MAML2: variants seen among roughly 807,000 people sequenced by gnomAD.
MAML2 encodes mastermind-like protein 2.
A neutral mutation model predicts 96.1 loss-of-function variants in MAML2; 22 were observed. The ratio of observed to expected loss-of-function variants is 0.23; its 90% CI spans 0.16 to 0.33. The LOEUF (loss-of-function observed/expected upper bound fraction) is 0.33. Among genes scored for constraint, MAML2 ranks in the 10% least tolerant of loss-of-function variants. The probability of loss-of-function intolerance (pLI) is 1.00; values close to 1 mark genes in which losing one functional copy is unlikely to be tolerated. For synonymous variants in MAML2, 561 were observed against 521.3 expected (o/e 1.08, Z -1.04); for missense variants, 1,367 against 1,392.4 (o/e 0.98, Z 0.29).
At chr11:96,018,983 G>C (rs181446148) in intron 2 of MAML2, among the ~76,000 whole-genome samples, 5 of 152,300 alleles carry the variant, frequency 3.3e-5, no homozygotes, top group African/African-American at 9.6e-5. Context: ...ACAAAAACGT[G>C]ATTGAAATGA....
chr11:96,044,801 G>GA, intron 2 of MAML2, among the ~76,000 whole-genome samples: 1 of 152,304 alleles, frequency 6.6e-6, no homozygotes, highest in East Asian at 1.9e-4. Context: ...GAAAGTTGTT[G>GA]ACGAAAAACT....
chr11:96,059,053 G>T (rs1398920025), intron 2 of MAML2, among the ~76,000 whole-genome samples: 1 of 152,180 alleles, frequency 6.6e-6, no homozygotes, highest in African/African-American at 2.4e-5. Context: ...CTGCACTCCA[G>T]CCTAGGTAAG....
At chr11:96,112,829 T>C (rs1001345956) in intron 1 of MAML2, among the ~76,000 whole-genome samples, 1 of 152,244 alleles carries the variant, frequency 6.6e-6, no homozygotes, top group East Asian at 1.9e-4. Context: ...GGTGGCTTAA[T>C]TGAAAGTGTT....
chr11:96,214,724 T>C (rs1359176306), intron 1 of MAML2, among the ~76,000 whole-genome samples: 1 of 152,234 alleles, frequency 6.6e-6, no homozygotes, highest in Non-Finnish European at 1.5e-5. Context: ...AGTGATTGGC[T>C]ACTCACATTA....
intron 2 of MAML2, among the ~76,000 whole-genome samples, chr11:96,015,553 GA>G (rs1301207278): frequency 7.9e-5 from 8 of 101,610 alleles, no homozygotes; most frequent in Non-Finnish European, 1.4e-4. Context: ...ACCATAAAAT[GA>G]AAGTGCTAAG....
chr11:96,231,802 T>C (rs889428403), intron 1 of MAML2, among the ~76,000 whole-genome samples: 30 of 152,254 alleles, frequency 2.0e-4, no homozygotes, highest in African/African-American at 7.0e-4. Context: ...ACCTACCCAG[T>C]CTTGTGGGCA....
chr11:96,047,031 C>T (rs1185034893), intron 2 of MAML2, among the ~76,000 whole-genome samples: 1 of 152,170 alleles, frequency 6.6e-6, no homozygotes, highest in Non-Finnish European at 1.5e-5. Flanking sequence ...TAAGTTGAGG[C>T]TATCAATAAA....
At chr11:96,007,757 T>C (rs78706221) in intron 2 of MAML2, among the ~76,000 whole-genome samples, 5,192 of 151,868 alleles carry the variant, frequency 0.034, 285 homozygotes, top group African/African-American at 0.12. Context: ...AGTAACATTC[T>C]CAGTAAACTA....
intron 2 of MAML2, among the ~76,000 whole-genome samples, chr11:96,014,547 A>G (rs1858314156): frequency 6.6e-6 from 1 of 152,216 alleles, no homozygotes; most frequent in South Asian, 2.1e-4. Flanking sequence ...CTCAAACTAC[A>G]TTCTTACAAA....
intron 1 of MAML2, among the ~76,000 whole-genome samples, chr11:96,271,625 C>T (rs1220969982): frequency 1.3e-5 from 2 of 152,194 alleles, no homozygotes; most frequent in African/African-American, 2.4e-5. Flanking sequence ...CTTCTCCTTG[C>T]TGCCACCATG....
intron 1 of MAML2, among the ~76,000 whole-genome samples, chr11:96,194,742 T>C (rs1046723756): frequency 5.9e-5 from 9 of 152,176 alleles, no homozygotes; most frequent in Non-Finnish European, 1.2e-4. Context: ...CTGAGTCCAC[T>C]GGCTCCTTTC....
intron 1 of MAML2, among the ~76,000 whole-genome samples, chr11:96,162,309 C>G (rs1861122028): frequency 6.8e-6 from 1 of 146,252 alleles, no homozygotes; most frequent in Non-Finnish European, 1.5e-5. Context: ...CGACATGGTA[C>G]AAAACAAAGC....
chr11:96,066,138 T>C (rs1590990598), intron 2 of MAML2, among the ~76,000 whole-genome samples: 1 of 152,126 alleles, frequency 6.6e-6, no homozygotes, highest in African/African-American at 2.4e-5. Flanking sequence ...TTCCACAGGG[T>C]GTAGGAAGAG....
intron 1 of MAML2, among the ~76,000 whole-genome samples, chr11:96,221,950 C>G (rs908685039): frequency 6.6e-6 from 1 of 152,130 alleles, no homozygotes; most frequent in African/African-American, 2.4e-5. Context: ...AATACATCAT[C>G]CCCTGTGTTT....
intron 1 of MAML2, among the ~76,000 whole-genome samples, chr11:96,146,432 G>C (rs2135871810): frequency 6.6e-6 from 1 of 152,296 alleles, no homozygotes; most frequent in South Asian, 2.1e-4. Flanking sequence ...GTGAATCGGG[G>C]AGGCAGGACA....
At chr11:96,056,193 G>A (rs1438770191) in intron 2 of MAML2, among the ~76,000 whole-genome samples, 2 of 152,124 alleles carry the variant, frequency 1.3e-5, no homozygotes, top group Non-Finnish European at 2.9e-5. Flanking sequence ...GGGCATCCCT[G>A]CCCCCACAGG....
chr11:96,128,319 G>A (rs2135853219), intron 1 of MAML2, among the ~76,000 whole-genome samples: 1 of 152,206 alleles, frequency 6.6e-6, no homozygotes, highest in South Asian at 2.1e-4. Context: ...GCTTGAACCT[G>A]GAAGGCGGAG....
At chr11:96,257,725 C>G (rs1862688342) in intron 1 of MAML2, among the ~76,000 whole-genome samples, 1 of 151,998 alleles carries the variant, frequency 6.6e-6, no homozygotes, top group Admixed American at 6.5e-5. Context: ...TATAATATTT[C>G]TTTGCTCACC....
rs148721903 is a variant in MAML2 at position 96,307,650 on chromosome 11, T to C, written c.513+33733A>G. Among the ~76,000 whole-genome samples, 11 of 152,258 alleles carry C rather than the reference T, an allele frequency of 7.2e-5. No individual in the cohort carries two copies. In the East Asian group the frequency reaches 1.7e-3, roughly 24 times the overall value. ...TCCAAGGGAATGATCATTCTGCTCA[T>C]ATGGGAAGGCTGCCTAGCAGTAAGA... is the stretch of plus-strand genomic sequence containing the variant. On this transcript the variant is annotated intron_variant, in intron 1 of 4. Transcript: ENST00000524717.
Sources: gnomAD v4.1 joint callset for allele counts (sites outside exome capture counted in the v4.1 genomes callset) on GRCh38, gnomAD v4.1.1 for gene constraint, MANE v1.5 for transcripts, NCBI Gene and HGNC (gene_info 2026-07-23, HGNC 2026-07-21) for gene names.